The following MCTP1 variants were observed in gnomAD, a reference collection of about 807,000 sequenced individuals.
The protein encoded by MCTP1 is multiple C2 and transmembrane domain containing 1.
A neutral mutation model predicts 120.6 loss-of-function variants in MCTP1; 69 were observed. The ratio of observed to expected loss-of-function variants is 0.57; its 90% confidence interval spans 0.47 to 0.70. The LOEUF is 0.70. MCTP1 is among the 30% of genes least tolerant of loss of function. The pLI is 0.00. For synonymous variants in MCTP1, 529 were observed against 493.1 expected (o/e 1.07, Z -0.96); for missense variants, 1,203 against 1,248.8 (o/e 0.96, Z 0.55).
chr5:95,055,363 T>C (rs1166040383), intron 1 of MCTP1, among the ~76,000 whole-genome samples: 2 of 152,198 alleles, frequency 1.3e-5, no homozygotes, highest in African/African-American at 4.8e-5. Flanking sequence ...CCTAAAACAT[T>C]CTTGATGACT....
intron 1 of MCTP1, among the ~76,000 whole-genome samples, chr5:95,029,020 G>A (rs1415481290): frequency 1.3e-5 from 2 of 151,978 alleles, no homozygotes; most frequent in Non-Finnish European, 2.9e-5. Context: ...TTAGCCAGGT[G>A]TGGTGGTGCG....
chr5:94,795,691 G>T (rs1779855026), intron 18 of MCTP1, among the ~76,000 whole-genome samples: 1 of 152,174 alleles, frequency 6.6e-6, no homozygotes, highest in Non-Finnish European at 1.5e-5. Flanking sequence ...TTAATGTCAT[G>T]GTCCCAGTCT....
chr5:94,894,104 G>C (rs145673723), intron 11 of MCTP1, among the ~76,000 whole-genome samples: 1 of 152,180 alleles, frequency 6.6e-6, no homozygotes, highest in African/African-American at 2.4e-5. Flanking sequence ...CCATACTATC[G>C]TTCCACATTC....
chr5:94,751,745 T>C (rs28607282), intron 19 of MCTP1, among the ~76,000 whole-genome samples: 1,633 of 152,186 alleles, frequency 0.011, 34 homozygotes, highest in African/African-American at 0.038. Flanking sequence ...CAATGCTGCA[T>C]GAAGGAACAG....
chr5:94,936,607 T>C lies in MCTP1; in HGVS notation c.1173+3477A>G, dbSNP rs75146465. Among the ~76,000 whole-genome samples the C allele has an allele frequency of 7.3e-3, 1,116 of 152,192 alleles. 6 individuals carry two copies. The highest frequency in any genetic ancestry group is 0.014 in the Middle Eastern group (4 of 294). On this transcript the variant is annotated intron_variant, in intron 5 of 22. Coordinates refer to ENST00000515393, the MANE Select transcript of MCTP1 (RefSeq NM_024717.7). ...GGTATAATGCTTAGTAGATGATCAA[T>C]AAGTATTTTGTTTTATACAGATGCC...
intron 1 of MCTP1, among the ~76,000 whole-genome samples, chr5:95,065,803 T>C (rs1437717081): frequency 1.3e-5 from 2 of 152,094 alleles, no homozygotes; most frequent in East Asian, 3.8e-4. Flanking sequence ...AAATTGAGTA[T>C]CCACACGCAG....
intron 1 of MCTP1, among the ~76,000 whole-genome samples, chr5:95,114,846 A>T (rs1198696772): frequency 6.6e-6 from 1 of 152,188 alleles, no homozygotes; most frequent in Non-Finnish European, 1.5e-5. Context: ...TTTAGGCAAG[A>T]TCAAGTGCTG....
chr5:94,711,135 C>T (rs1032194596), intron 20 of MCTP1, among the ~76,000 whole-genome samples: 1 of 152,108 alleles, frequency 6.6e-6, no homozygotes, highest in African/African-American at 2.4e-5. Flanking sequence ...CTTGCTGCCA[C>T]CTCCTCCAGA....
intron 1 of MCTP1, among the ~76,000 whole-genome samples, chr5:95,142,484 G>T (rs1760015608): frequency 6.6e-6 from 1 of 152,130 alleles, no homozygotes; most frequent in African/African-American, 2.4e-5. Context: ...TTTCCCTGCA[G>T]ACATATGTGA....
At chr5:94,784,264 A>C (rs1309465316) in intron 18 of MCTP1, among the ~76,000 whole-genome samples, 1 of 152,062 alleles carries the variant, frequency 6.6e-6, no homozygotes, top group Admixed American at 6.6e-5. Flanking sequence ...GAGTTCATTT[A>C]TATCACTGTG....
intron 12 of MCTP1, among the ~76,000 whole-genome samples, chr5:94,884,252 A>C (rs949301090): frequency 1.3e-5 from 2 of 152,224 alleles, no homozygotes; most frequent in African/African-American, 4.8e-5. Flanking sequence ...TTTACCACGC[A>C]ATTCTGTGAG....
At chr5:94,994,455 C>T (rs889044403) in intron 2 of MCTP1, among the ~76,000 whole-genome samples, 3 of 152,102 alleles carry the variant, frequency 2.0e-5, no homozygotes, top group Admixed American at 2.0e-4. Flanking sequence ...GATCTTTTGG[C>T]TACATTTGTA....
At position 94,752,108 on chromosome 5, in the gene MCTP1, A is replaced by AATATATATATATATATATATATATATAT. The variant is rs146434254; in HGVS notation, c.2610+26974_2610+27001dup. 9.8e-4 allele frequency among the ~76,000 whole-genome samples: 74 copies of AATATATATATATATATATATATATATAT among 75,758 alleles called. 4 individuals are homozygous for AATATATATATATATATATATATATATAT. The highest frequency in any genetic ancestry group is 1.4e-3 in the Non-Finnish European group (44 of 31,894). 49.7% of individuals were successfully genotyped at this position (75,758 alleles called of 152,430 possible). ...ATGTACCCTAAAACTTAAATAATAA[A>AATATATATATATATATATATATATATAT]ATATATATATATATATATATATATA... On this transcript the variant is annotated intron_variant, in intron 19 of 22. Coordinates refer to ENST00000515393, the MANE Select transcript of MCTP1 (RefSeq NM_024717.7).
At chr5:95,054,687 T>A (rs1198285444) in intron 1 of MCTP1, among the ~76,000 whole-genome samples, 1 of 152,168 alleles carries the variant, frequency 6.6e-6, no homozygotes, top group African/African-American at 2.4e-5. Context: ...CCATAATGGG[T>A]ATTAATGTGA....
chr5:95,077,363 A>G (rs1343674683), intron 1 of MCTP1, among the ~76,000 whole-genome samples: 2 of 150,950 alleles, frequency 1.3e-5, no homozygotes, highest in Admixed American at 6.6e-5. Flanking sequence ...TCCCACCTCT[A>G]TCTGTCTCTT....
At chr5:94,720,366 A>G (rs1035320656) in intron 19 of MCTP1, among the ~76,000 whole-genome samples, 2 of 152,090 alleles carry the variant, frequency 1.3e-5, no homozygotes, top group African/African-American at 2.4e-5. Context: ...AAATCAACAA[A>G]TGCTACAAAT....
intron 1 of MCTP1, among the ~76,000 whole-genome samples, chr5:95,138,233 A>AC (rs58216046): frequency 0.016 from 2,249 of 142,466 alleles, 36 homozygotes; most frequent in Middle Eastern, 0.021. Context: ...GTGAGATGCA[A>AC]CCCCCCCCCG....
At chr5:95,124,799 A>C (rs1758501973) in intron 1 of MCTP1, among the ~76,000 whole-genome samples, 2 of 152,256 alleles carry the variant, frequency 1.3e-5, no homozygotes, top group South Asian at 4.1e-4. Flanking sequence ...GAATATAAAA[A>C]GTGGTTGGAG....
At position 94,705,604 on chromosome 5, in the gene MCTP1, T is replaced by TAAAC. The variant is rs746326790; in HGVS notation, c.*1888_*1891dup. Reference sequence around the variant, plus strand: ...TGTGTAGTCAGCATTACCATTGAACTAAACATCTGAAATTTGATACAGTGA... The same window carrying TAAAC: ...TGTGTAGTCAGCATTACCATTGAACTAAACAAACATCTGAAATTTGATACAGTGA... On this transcript the variant is annotated 3_prime_UTR_variant, in exon 23 of 23. Coordinates refer to ENST00000515393, the MANE Select transcript of MCTP1 (RefSeq NM_024717.7). The TAAAC allele has an allele frequency of 9.9e-5, 15 of 151,444 alleles. No homozygotes were observed. Among genetic ancestry groups the TAAAC allele is most frequent in the Admixed American group, 9.9e-4 (15 of 15,156 alleles). 9.4% of individuals were successfully genotyped at this position (151,444 alleles called of 1,614,324 possible).
Sources: allele counts gnomAD v4.1 joint callset (sites outside exome capture counted in the v4.1 genomes callset), GRCh38; gene constraint gnomAD v4.1.1; transcripts MANE v1.5; gene names NCBI Gene and HGNC (gene_info 2026-07-23, HGNC 2026-07-21).